The following PCDH7 variants were observed in gnomAD, a reference collection of about 807,000 sequenced individuals.
PCDH7 encodes protocadherin 7.
In PCDH7, 17 loss-of-function variants were observed where a neutral mutation model predicts 58.9. The observed-to-expected ratio is 0.29, with a 90% CI of 0.20 to 0.43. PCDH7 has a LOEUF of 0.43. PCDH7 is among the 20% of genes least tolerant of loss of function. The pLI is 1.00. For synonymous variants in PCDH7, 664 were observed against 616.4 expected, an observed-to-expected ratio of 1.08 and a Z score of -1.14; for missense variants, 1,274 against 1,441.0, an observed-to-expected ratio of 0.88 and a Z score of 1.88.
At position 30,729,231 on chromosome 4, in the gene PCDH7, A is replaced by G. The variant is rs563045771; in HGVS notation, c.3175-1522A>G. ...TATCTGATCATACTACCTTTGGGGG[A>G]AAAAAACTGAATTTCTGTAACTTTC... On this transcript the variant is annotated intron_variant, in intron 1 of 1. Transcript: ENST00000361762. Among the ~76,000 whole-genome samples, 548 of 151,908 alleles carry G rather than the reference A, an allele frequency of 3.6e-3. 2 individuals are homozygous for G. The highest frequency in any genetic ancestry group is 0.013 in the African/African-American group (525 of 41,482).
chr4:30,857,989 A>C (rs1328265039), intron 1 of PCDH7, among the ~76,000 whole-genome samples: 3 of 152,166 alleles, frequency 2.0e-5, no homozygotes, highest in Admixed American at 1.3e-4. Flanking sequence ...TTAAGTAAAG[A>C]ATAAAAATAA....
Position 30,807,280 on chromosome 4 carries a change from T to C in PCDH7, c.70+82684T>C, listed in dbSNP as rs148066495. 2.7e-3 allele frequency among the ~76,000 whole-genome samples: 413 copies of C among 152,366 alleles called. 2 individuals are homozygous for C. The highest frequency in any genetic ancestry group is 0.017 in the Middle Eastern group (5 of 294). On this transcript the variant is annotated intron_variant, in intron 1 of 3. Transcript: ENST00000509759. ...AGAAGATTCTATTTGTTTTTATCAT[T>C]AGTTTCCAAAAGCATAAACAATAAA...
At chr4:30,914,670 T>TA (rs1369874598) in intron 1 of PCDH7, among the ~76,000 whole-genome samples, 1 of 152,330 alleles carries the variant, frequency 6.6e-6, no homozygotes, top group Admixed American at 6.5e-5. Context: ...CAATGGGCCA[T>TA]AACTCTAGTT....
chr4:30,988,534 G>A (rs1751183851), intron 3 of PCDH7, among the ~76,000 whole-genome samples: 1 of 152,080 alleles, frequency 6.6e-6, no homozygotes, highest in South Asian at 2.1e-4. Flanking sequence ...GCCTTGGATT[G>A]TTGAAACAAG....
chr4:30,968,405 T>C (rs1749241478), intron 3 of PCDH7, among the ~76,000 whole-genome samples: 1 of 66,938 alleles, frequency 1.5e-5, no homozygotes, highest in Non-Finnish European at 2.6e-5. Flanking sequence ...TATATATATA[T>C]ATATATATAT....
chr4:31,115,566 C>T (rs1716894564), intron 3 of PCDH7, among the ~76,000 whole-genome samples: 1 of 151,966 alleles, frequency 6.6e-6, no homozygotes, highest in Non-Finnish European at 1.5e-5. Flanking sequence ...GCTGTATTCA[C>T]CAGTATGGAA....
chr4:30,975,614 A>C (rs1052023659), intron 3 of PCDH7, among the ~76,000 whole-genome samples: 4 of 152,212 alleles, frequency 2.6e-5, no homozygotes, highest in African/African-American at 9.6e-5. Flanking sequence ...TTTACTTGTT[A>C]CATGTATTCA....
intron 3 of PCDH7, among the ~76,000 whole-genome samples, chr4:30,995,095 T>A (rs1296752507): frequency 6.6e-6 from 1 of 152,246 alleles, no homozygotes; most frequent in Non-Finnish European, 1.5e-5. Context: ...TCATTTTAAA[T>A]TTTTTAAACA....
chr4:30,722,993 A>C lies in PCDH7; in HGVS notation c.1571A>C (p.Lys524Thr). The change falls in exon 1 of 2, where the codon AAG becomes ACG. Residue 524 changes from lysine to threonine, a missense_variant. Lys to Thr is a moderately conservative substitution (Grantham distance 78, BLOSUM62 -1). This residue lies in a region of PCDH7 where 731 missense variants were observed against 881.9 expected (regional missense o/e 0.83). Transcript: ENST00000361762. This position sits in a 1 kb window ranked among gnomAD's most constrained non-coding sequence, Gnocchi z 7.6. ...TCGAGCAACAACTCCCTGATTGTCAAGGTGGGAGACACCAACGACAACCCG... is the reference window on the plus strand; with the variant it reads ...TCGAGCAACAACTCCCTGATTGTCACGGTGGGAGACACCAACGACAACCCG... 6.2e-7 allele frequency: 1 copy of C among 1,613,818 alleles called. No homozygotes were observed. Among genetic ancestry groups the C allele is most frequent in the Non-Finnish European group, 8.5e-7 (1 of 1,180,034 alleles).
chr4:31,042,626 T>C (rs1316997917), intron 3 of PCDH7, among the ~76,000 whole-genome samples: 1 of 152,020 alleles, frequency 6.6e-6, no homozygotes, highest in Admixed American at 6.6e-5. Flanking sequence ...GAAGTCAAAC[T>C]CAAAAATTTT....
At chr4:30,751,666 G>T (rs1281489878) in intron 1 of PCDH7, among the ~76,000 whole-genome samples, 1 of 152,028 alleles carries the variant, frequency 6.6e-6, no homozygotes, top group East Asian at 1.9e-4. Context: ...TAATCTTTGT[G>T]ACCTCCACAG....
chr4:30,942,606 C>T (rs566000164), intron 2 of PCDH7, among the ~76,000 whole-genome samples: 101 of 152,066 alleles, frequency 6.6e-4, no homozygotes, highest in African/African-American at 2.4e-3. Flanking sequence ...GAGAAAAGTC[C>T]TAACATTCTC....
chr4:30,859,041 A>G (rs1235284383), intron 1 of PCDH7, among the ~76,000 whole-genome samples: 1 of 152,188 alleles, frequency 6.6e-6, no homozygotes, highest in Non-Finnish European at 1.5e-5. Context: ...GCTTATAGCT[A>G]CAGTATCCTG....
At chr4:30,969,011 C>G (rs555929063) in intron 3 of PCDH7, among the ~76,000 whole-genome samples, 57 of 152,264 alleles carry the variant, frequency 3.7e-4, no homozygotes, top group African/African-American at 1.3e-3. Context: ...TTTTCTTCCC[C>G]TTATAACATT....
chr4:30,896,503 G>A (rs1237996793), intron 1 of PCDH7, among the ~76,000 whole-genome samples: 1 of 151,872 alleles, frequency 6.6e-6, no homozygotes, highest in Admixed American at 6.6e-5. Context: ...TGAATATACA[G>A]TACAAACCTC....
chr4:31,047,933 G>A (rs1024673757), intron 3 of PCDH7, among the ~76,000 whole-genome samples: 7 of 151,934 alleles, frequency 4.6e-5, no homozygotes, highest in African/African-American at 1.7e-4. Flanking sequence ...ATTTTTAAAT[G>A]TCCACATGCA....
intron 1 of PCDH7, among the ~76,000 whole-genome samples, chr4:30,730,302 T>A (rs532834452): frequency 2.3e-3 from 348 of 152,140 alleles, no homozygotes; most frequent in Non-Finnish European, 4.1e-3. Context: ...TTAGTTTTTT[T>A]AAAAAAACCC....
chr4:30,942,334 T>A (rs1360039327), intron 2 of PCDH7, among the ~76,000 whole-genome samples: 5 of 151,956 alleles, frequency 3.3e-5, no homozygotes, highest in Non-Finnish European at 7.4e-5. Flanking sequence ...ACATACTGTA[T>A]AAAAAAGAAA....
rs987709431 is a variant in PCDH7 at position 30,730,943 on chromosome 4, T to C, written c.*155T>C. ...TATTTTTGAGTCTTTTTCTTTCTCATATACAGAAAAATAGTATGAAAATAA... is the reference window on the plus strand; with the variant it reads ...TATTTTTGAGTCTTTTTCTTTCTCACATACAGAAAAATAGTATGAAAATAA... On this transcript the variant is annotated 3_prime_UTR_variant, in exon 2 of 2. Coordinates refer to ENST00000361762, the Ensembl canonical transcript of PCDH7. The C allele has an allele frequency of 3.9e-5, 51 of 1,319,686 alleles. No homozygotes were observed. In the African/African-American group the frequency reaches 7.2e-4, roughly 19 times the overall value. The allele number at this position is 1,319,686 out of a possible 1,614,324, so 81.7% of individuals were successfully genotyped here. A position where few individuals can be genotyped will look rare whatever the true frequency, so the allele number is the denominator to read the frequency against.
Sources: gnomAD v4.1 joint callset for allele counts (sites outside exome capture counted in the v4.1 genomes callset) on GRCh38, gnomAD v4.1.1 for gene constraint, gnomAD v4.1.1 regional missense constraint, Gnocchi (gnomAD v3.1) non-coding constraint, MANE v1.5 for transcripts, NCBI Gene and HGNC (gene_info 2026-07-23, HGNC 2026-07-21) for gene names.